The following GULP1 variants were observed in gnomAD, a reference collection of about 807,000 sequenced individuals.
GULP1 encodes the protein GULP PTB domain containing engulfment adaptor 1.
Under a neutral mutation model 40.9 loss-of-function variants are expected in GULP1, and 19 were observed. The observed-to-expected ratio is 0.46, with a 90% CI of 0.32 to 0.68. The LOEUF is 0.68. Ranked by LOEUF, GULP1 falls within the 30% of genes least tolerant of loss-of-function variation. The pLI is 0.03. For synonymous variants in GULP1, 119 were observed against 117.6 expected, an observed-to-expected ratio of 1.01 and a Z score of -0.08; for missense variants, 312 against 362.2, an observed-to-expected ratio of 0.86 and a Z score of 1.12.
chr2:188,561,695 G>A (rs1028170605), intron 7 of GULP1, among the ~76,000 whole-genome samples: 1 of 152,172 alleles, frequency 6.6e-6, no homozygotes, highest in African/African-American at 2.4e-5. Context: ...GCATGAGTGA[G>A]GGGCAGTAGT....
chr2:188,303,066 C>A (rs1239942205), intron 1 of GULP1, among the ~76,000 whole-genome samples: 5 of 152,144 alleles, frequency 3.3e-5, no homozygotes, highest in Non-Finnish European at 5.9e-5. Context: ...TGTCATGAAT[C>A]ATTTTTTTCA....
At chr2:188,299,982 G>T (rs563475528) in intron 1 of GULP1, among the ~76,000 whole-genome samples, 39 of 152,296 alleles carry the variant, frequency 2.6e-4, no homozygotes, top group African/African-American at 8.7e-4. Flanking sequence ...CCATGTTCAT[G>T]AACTAACCAT....
intron 1 of GULP1, among the ~76,000 whole-genome samples, chr2:188,297,899 A>G (rs1263333074): frequency 1.3e-5 from 2 of 152,120 alleles, no homozygotes; most frequent in Non-Finnish European, 2.9e-5. Flanking sequence ...TAAGAGAATA[A>G]ATGTGATTTT....
rs117756050 is a variant in GULP1 at position 188,395,508 on chromosome 2, A to G, written c.-45+11619A>G. Among the ~76,000 whole-genome samples, 60 of 152,288 alleles carry G rather than the reference A, an allele frequency of 3.9e-4. No homozygotes were observed. In the East Asian group the frequency reaches 0.01, roughly 27 times the overall value. On this transcript the variant is annotated intron_variant, in intron 2 of 11. Coordinates refer to ENST00000409830, the MANE Select transcript of GULP1 (RefSeq NM_016315.4). ...TTCTCCAAGACCCTTCATGAGCACCAGGGCTGCCTGACTGTTGGCATGGAG... is the reference window on the plus strand; with the variant it reads ...TTCTCCAAGACCCTTCATGAGCACCGGGGCTGCCTGACTGTTGGCATGGAG...
chr2:188,497,059 G>T (rs2062967388), intron 4 of GULP1, among the ~76,000 whole-genome samples: 1 of 151,854 alleles, frequency 6.6e-6, no homozygotes, highest in South Asian at 2.1e-4. Context: ...CCATTCTCAG[G>T]TATTTCTTTA....
chr2:188,419,087 G>A (rs1242618255), intron 2 of GULP1, among the ~76,000 whole-genome samples: 2 of 152,088 alleles, frequency 1.3e-5, no homozygotes, highest in African/African-American at 4.8e-5. Context: ...AAACGTATAT[G>A]CCACATTTTC....
intron 2 of GULP1, among the ~76,000 whole-genome samples, chr2:188,387,875 T>A (rs180719118): frequency 1.4e-4 from 22 of 152,262 alleles, no homozygotes; most frequent in African/African-American, 3.9e-4. Context: ...AGTTTTTTTT[T>A]TAAATTTTTT....
chr2:188,577,537 C>G (rs543724471), intron 9 of GULP1, among the ~76,000 whole-genome samples: 1 of 152,058 alleles, frequency 6.6e-6, no homozygotes, highest in South Asian at 2.1e-4. Context: ...ATTCTAAAAG[C>G]ATAAACCCTG....
chr2:188,385,161 C>T (rs1249409847), intron 2 of GULP1, among the ~76,000 whole-genome samples: 1 of 152,190 alleles, frequency 6.6e-6, no homozygotes, highest in Non-Finnish European at 1.5e-5. Flanking sequence ...GACCCTACTC[C>T]TGCAGCAAAC....
At chr2:188,401,615 G>A (rs912225322) in intron 2 of GULP1, among the ~76,000 whole-genome samples, 1 of 152,014 alleles carries the variant, frequency 6.6e-6, no homozygotes, top group African/African-American at 2.4e-5. Context: ...GGGAGAAAAA[G>A]GATTATACCA....
chr2:188,569,179 C>T (rs1426589065), intron 7 of GULP1, 60 bp from the exon 8 acceptor site: 17 of 871,140 alleles, frequency 2.0e-5, no homozygotes, highest in South Asian at 1.1e-4. Context: ...GTTGTTTTCT[C>T]GATTCAAAAA....
intron 2 of GULP1, among the ~76,000 whole-genome samples, chr2:188,462,926 C>T (rs1021759829): frequency 1.3e-5 from 2 of 151,986 alleles, no homozygotes; most frequent in East Asian, 1.9e-4. Context: ...TAACTTCATA[C>T]CCGTTTTCTT....
intron 2 of GULP1, among the ~76,000 whole-genome samples, chr2:188,398,428 T>C (rs2051605663): frequency 6.6e-6 from 1 of 152,262 alleles, no homozygotes. Context: ...TACATCTATA[T>C]ATGTAATACA....
At chr2:188,342,139 A>C (rs993493992) in intron 1 of GULP1, among the ~76,000 whole-genome samples, 4 of 152,216 alleles carry the variant, frequency 2.6e-5, no homozygotes, top group Admixed American at 2.6e-4. Flanking sequence ...GTGCTATAAC[A>C]AATACCATAC....
intron 2 of GULP1, among the ~76,000 whole-genome samples, chr2:188,456,570 A>G (rs2059285118): frequency 6.6e-6 from 1 of 152,200 alleles, no homozygotes; most frequent in Non-Finnish European, 1.5e-5. Flanking sequence ...GATGTATAGG[A>G]ATGCCTGGAT....
At chr2:188,495,855 G>C (rs1051326340) in intron 4 of GULP1, among the ~76,000 whole-genome samples, 3 of 152,026 alleles carry the variant, frequency 2.0e-5, no homozygotes, top group Non-Finnish European at 4.4e-5. Context: ...GGAAAAAAAA[G>C]CTTCCGTGAT....
intron 3 of GULP1, among the ~76,000 whole-genome samples, chr2:188,479,680 A>T (rs1312617011): frequency 6.6e-6 from 1 of 152,068 alleles, no homozygotes; most frequent in Non-Finnish European, 1.5e-5. Flanking sequence ...CTTTTTATAT[A>T]TATATGCTTA....
At chr2:188,412,769 G>A (rs757794133) in intron 2 of GULP1, among the ~76,000 whole-genome samples, 2 of 152,066 alleles carry the variant, frequency 1.3e-5, no homozygotes, top group African/African-American at 4.8e-5. Context: ...AGCTATTTTA[G>A]TAACAAGTAG....
intron 1 of GULP1, among the ~76,000 whole-genome samples, chr2:188,340,934 C>T (rs1380069000): frequency 1.3e-5 from 2 of 152,156 alleles, no homozygotes; most frequent in East Asian, 1.9e-4. Flanking sequence ...ATCTGCTTCT[C>T]TCCGACATTC....
Sources: allele counts gnomAD v4.1 joint callset (sites outside exome capture counted in the v4.1 genomes callset), GRCh38; gene constraint gnomAD v4.1.1; transcripts MANE v1.5; gene names NCBI Gene and HGNC (gene_info 2026-07-23, HGNC 2026-07-21).